The following PLEKHG1 variants were observed in gnomAD, a reference collection of about 807,000 sequenced individuals.
PLEKHG1 encodes the protein pleckstrin homology and RhoGEF domain containing G1, also known as pleckstrin homology domain-containing family G member 1.
PLEKHG1 carries 44 observed loss-of-function variants against 100.8 expected under a neutral mutation model. That is an observed-to-expected ratio of 0.44 (90% CI 0.34 to 0.56). PLEKHG1 has a LOEUF of 0.56. Ranked by LOEUF, PLEKHG1 falls within the 20% of genes least tolerant of loss-of-function variation. PLEKHG1 has a pLI of 0.01. For synonymous variants in PLEKHG1, 640 were observed against 662.5 expected (o/e 0.97, Z 0.52); for missense variants, 1,545 against 1,720.9 (o/e 0.90, Z 1.81).
chr6:150,655,180 G>A (rs1030411385), intron 3 of PLEKHG1, among the ~76,000 whole-genome samples: 25 of 152,186 alleles, frequency 1.6e-4, no homozygotes, highest in African/African-American at 6.0e-4. Flanking sequence ...TTACACTGCT[G>A]GTGGGAGTGT....
intron 15 of PLEKHG1, among the ~76,000 whole-genome samples, chr6:150,832,994 G>A (rs1186151458): frequency 1.3e-5 from 2 of 149,606 alleles, no homozygotes; most frequent in East Asian, 4.0e-4. Context: ...TTCCTTAGTT[G>A]CTCGCACTAT....
chr6:150,628,191 G>A (rs954466), intron 1 of PLEKHG1, among the ~76,000 whole-genome samples: 19,350 of 152,150 alleles, frequency 0.13, 1,342 homozygotes, highest in East Asian at 0.24. Context: ...TGTTGCTGCA[G>A]TAAAACTGGC....
intron 1 of PLEKHG1, among the ~76,000 whole-genome samples, chr6:150,606,729 G>T (rs1197986931): frequency 2.0e-5 from 3 of 152,050 alleles, no homozygotes; most frequent in African/African-American, 7.2e-5. Flanking sequence ...GACAAAACTT[G>T]GCTATTTCTG....
chr6:150,731,560 A>T (rs1782261996), intron 1 of PLEKHG1, among the ~76,000 whole-genome samples: 1 of 152,220 alleles, frequency 6.6e-6, no homozygotes, highest in Admixed American at 6.5e-5. Context: ...TTATTATAGA[A>T]TCAAACCAAA....
intron 3 of PLEKHG1, among the ~76,000 whole-genome samples, chr6:150,673,848 G>C (rs1779652532): frequency 6.6e-6 from 1 of 152,078 alleles, no homozygotes; most frequent in Non-Finnish European, 1.5e-5. Context: ...ATTTTTTGTA[G>C]AGATGAGCTT....
intron 2 of PLEKHG1, among the ~76,000 whole-genome samples, chr6:150,742,414 A>G (rs1782914760): frequency 2.0e-5 from 3 of 152,044 alleles, no homozygotes; most frequent in Middle Eastern, 3.4e-3. Context: ...AAAGTACAAA[A>G]ATTAGCCGAG....
Position 150,804,594 on chromosome 6 carries a change from T to C in PLEKHG1, c.781-16T>C, listed in dbSNP as rs749640617. The C allele has an allele frequency of 1.0e-5, 16 of 1,556,348 alleles. No homozygotes were observed. Among genetic ancestry groups the C allele is most frequent in the East Asian group, 6.8e-5 (3 of 44,232 alleles). On this transcript the variant is annotated splice_polypyrimidine_tract_variant and intron_variant, in intron 6 of 15. Coordinates refer to ENST00000358517, the Ensembl canonical transcript of PLEKHG1. ...AAAATGAAAAAAAAAAAAACCCTCGTTCTTTTTTGTTTAAGGAAATAGAAA... is the reference window on the plus strand; with the variant it reads ...AAAATGAAAAAAAAAAAAACCCTCGCTCTTTTTTGTTTAAGGAAATAGAAA...
chr6:150,838,071 T>C (rs1583227470), intron 15 of PLEKHG1, among the ~76,000 whole-genome samples: 1 of 152,292 alleles, frequency 6.6e-6, no homozygotes, highest in East Asian at 1.9e-4. Context: ...TGTTTCTCTC[T>C]CCTCATAGAA....
exon 16 of PLEKHG1, chr6:150,840,362 G>C: frequency 6.2e-7 from 1 of 1,614,186 alleles, no homozygotes; most frequent in Non-Finnish European, 8.5e-7. Context: ...AGCAGCTGCT[G>C]TCTTTACACA....
At chr6:150,680,215 AG>A (rs1234519759) in intron 3 of PLEKHG1, among the ~76,000 whole-genome samples, 3 of 152,214 alleles carry the variant, frequency 2.0e-5, no homozygotes, top group African/African-American at 7.2e-5. Flanking sequence ...GAAGATGACC[AG>A]GGTAGAGATG....
chr6:150,791,611 A>G (rs1243509785), intron 4 of PLEKHG1, among the ~76,000 whole-genome samples: 2 of 151,580 alleles, frequency 1.3e-5, no homozygotes, highest in African/African-American at 2.4e-5. Flanking sequence ...CAGAGGTTGC[A>G]GTGAGCCAAG....
At chr6:150,680,185 A>G (rs1270681504) in intron 3 of PLEKHG1, among the ~76,000 whole-genome samples, 2 of 152,210 alleles carry the variant, frequency 1.3e-5, no homozygotes, top group Non-Finnish European at 2.9e-5. Context: ...ATTTAGTAGA[A>G]TGTTATACTA....
chr6:150,714,446 C>T (rs1001857497), intron 3 of PLEKHG1, among the ~76,000 whole-genome samples: 1 of 152,154 alleles, frequency 6.6e-6, no homozygotes, highest in African/African-American at 2.4e-5. Context: ...GTGTGCCCTT[C>T]AAGGCCATCT....
intron 5 of PLEKHG1, among the ~76,000 whole-genome samples, chr6:150,797,520 A>G (rs1786418827): frequency 2.6e-5 from 4 of 152,020 alleles, no homozygotes; most frequent in African/African-American, 7.2e-5. Context: ...CAGGCAACAG[A>G]GCAAGATCCT....
At position 150,675,197 on chromosome 6, in the gene PLEKHG1, C is replaced by G. The variant is rs117252123; in HGVS notation, c.-99+24411C>G. 9.7e-4 allele frequency among the ~76,000 whole-genome samples: 147 copies of G among 152,264 alleles called. 4 individuals carry two copies. The East Asian group carries it at 0.024, about 25-fold the overall frequency. ...GAACACGATCATTTTTCCTATATCA[C>G]CTATAATCAGCTGCTGATTAGTCTT... On this transcript the variant is annotated intron_variant, in intron 3 of 3. Coordinates refer to the PLEKHG1 transcript ENST00000367326.
chr6:150,810,706 A>G (rs1205286297), intron 10 of PLEKHG1, among the ~76,000 whole-genome samples: 1 of 152,202 alleles, frequency 6.6e-6, no homozygotes, highest in East Asian at 2.0e-4. Flanking sequence ...AGATCACCTC[A>G]AGTCAGGAGT....
chr6:150,829,022 A>G (rs1165366704), intron 14 of PLEKHG1, among the ~76,000 whole-genome samples: 1 of 152,210 alleles, frequency 6.6e-6, no homozygotes, highest in East Asian at 1.9e-4. Context: ...ATGAAATTCC[A>G]TTATTGTCTC....
intron 1 of PLEKHG1, among the ~76,000 whole-genome samples, chr6:150,722,948 TTAATC>T (rs1370795509): frequency 6.6e-6 from 1 of 152,214 alleles, no homozygotes; most frequent in Non-Finnish European, 1.5e-5. Flanking sequence ...AGATTATTAT[TTAATC>T]TAAATTACAA....
intron 7 of PLEKHG1, among the ~76,000 whole-genome samples, chr6:150,806,435 T>C (rs145117399): frequency 0.022 from 3,349 of 152,014 alleles, 31 homozygotes; most frequent in Non-Finnish European, 0.027. Context: ...CTGTAATCCC[T>C]ACACTTTGGG....
Sources: gnomAD v4.1 joint callset for allele counts (sites outside exome capture counted in the v4.1 genomes callset) on GRCh38, gnomAD v4.1.1 for gene constraint, MANE v1.5 for transcripts, NCBI Gene and HGNC (gene_info 2026-07-23, HGNC 2026-07-21) for gene names.